The following VPS35L variants were observed in gnomAD, a reference collection of about 807,000 sequenced individuals.
The protein encoded by VPS35L is VPS35 endosomal protein sorting factor like.
In VPS35L, 83 loss-of-function variants were observed where a neutral mutation model predicts 133.0. The ratio of observed to expected loss-of-function variants is 0.62; its 90% CI spans 0.52 to 0.75. VPS35L has a LOEUF of 0.75. VPS35L is among the 30% of genes least tolerant of loss of function. The pLI is 0.00. For synonymous variants in VPS35L, 423 were observed against 449.9 expected (o/e 0.94, Z 0.76); for missense variants, 1,083 against 1,206.8 (o/e 0.90, Z 1.52).
intron 29 of VPS35L, among the ~76,000 whole-genome samples, chr16:19,697,501 A>T (rs1022149444): frequency 2.7e-5 from 4 of 150,398 alleles, no homozygotes; most frequent in African/African-American, 9.8e-5. Flanking sequence ...TGCTCAGCTA[A>T]TTTTTTTTTT....
At chr16:19,596,183 C>T (rs1972209259) in intron 8 of VPS35L, among the ~76,000 whole-genome samples, 1 of 152,174 alleles carries the variant, frequency 6.6e-6, no homozygotes, top group South Asian at 2.1e-4. Flanking sequence ...GGGTCACCAT[C>T]ATAGTGAATT....
chr16:19,631,788 A>G (rs1331381283), intron 18 of VPS35L, among the ~76,000 whole-genome samples: 1 of 152,182 alleles, frequency 6.6e-6, no homozygotes, highest in African/African-American at 2.4e-5. Flanking sequence ...CACTCACTCC[A>G]GCCATGACCT....
At chr16:19,574,256 G>A (rs542268254) in intron 4 of VPS35L, among the ~76,000 whole-genome samples, 15 of 152,152 alleles carry the variant, frequency 9.9e-5, no homozygotes, top group South Asian at 2.1e-4. Flanking sequence ...CTTGCTCCTC[G>A]GCTGTGTTGA....
chr16:19,597,453 T>G (rs1397115180), intron 8 of VPS35L, among the ~76,000 whole-genome samples: 1 of 151,874 alleles, frequency 6.6e-6, no homozygotes, highest in African/African-American at 2.4e-5. Flanking sequence ...ATTAAAATGA[T>G]AGCCAAGAAA....
chr16:19,569,118 T>G, intron 2 of VPS35L: 1 of 528,852 alleles, frequency 1.9e-6, no homozygotes, highest in Non-Finnish European at 3.6e-6. Context: ...GCTACTTATA[T>G]TGAGTTGGAT....
intron 6 of VPS35L, among the ~76,000 whole-genome samples, chr16:19,580,948 A>G (rs1259272350): frequency 2.0e-5 from 3 of 151,992 alleles, no homozygotes; most frequent in African/African-American, 7.3e-5. Flanking sequence ...CCCGTGAAAC[A>G]GTTGCGCTTT....
chr16:19,635,303 G>A (rs924342538), intron 19 of VPS35L, among the ~76,000 whole-genome samples: 5 of 152,072 alleles, frequency 3.3e-5, no homozygotes, highest in African/African-American at 1.2e-4. Flanking sequence ...AGCTATGATA[G>A]CACCACTGCA....
chr16:19,645,064 A>T (rs1208462573), intron 23 of VPS35L, 115 bp downstream of exon 23: 1 of 645,498 alleles, frequency 1.5e-6, no homozygotes, highest in Non-Finnish European at 2.5e-6. Flanking sequence ...TCTTAGTGAG[A>T]TAAAATGAAA....
chr16:19,557,379 T>C (rs1256991972), intron 1 of VPS35L, among the ~76,000 whole-genome samples: 1 of 152,108 alleles, frequency 6.6e-6, no homozygotes, highest in Non-Finnish European at 1.5e-5. Flanking sequence ...AATATGGCCG[T>C]GCTCTAAATA....
At chr16:19,610,954 A>G (rs1214711253) in intron 12 of VPS35L, among the ~76,000 whole-genome samples, 7 of 152,158 alleles carry the variant, frequency 4.6e-5, no homozygotes, top group Admixed American at 3.3e-4. Flanking sequence ...CAGCTAAGCT[A>G]TTAAGTTTTT....
intron 26 of VPS35L, among the ~76,000 whole-genome samples, chr16:19,653,679 C>T (rs935081852): frequency 3.3e-5 from 5 of 152,216 alleles, no homozygotes; most frequent in African/African-American, 4.8e-5. Context: ...GACACAACTG[C>T]ACAGATTATG....
intron 8 of VPS35L, among the ~76,000 whole-genome samples, chr16:19,594,644 CAAAAAAAA>C (rs57187565): frequency 8.6e-4 from 27 of 31,490 alleles, no homozygotes; most frequent in South Asian, 2.1e-3. Context: ...GATTTCGTCT[CAAAAAAAA>C]AAAAAAAAAA....
chr16:19,580,680 G>A lies in VPS35L; in HGVS notation c.511-845G>A, dbSNP rs1373939044. On this transcript the variant is annotated intron_variant, in intron 6 of 30. Transcript: ENST00000417362. ...TTTGCTATGGTTGTCTTTCTGTCCTGATTACTCTCTCCTTGGTCTAATTAA... is the reference window on the plus strand; with the variant it reads ...TTTGCTATGGTTGTCTTTCTGTCCTAATTACTCTCTCCTTGGTCTAATTAA... 2.6e-5 allele frequency among the ~76,000 whole-genome samples: 4 copies of A among 152,056 alleles called. No individual in the cohort carries two copies. The East Asian group carries it at 7.8e-4, about 30-fold the overall frequency.
At chr16:19,629,705 T>A in intron 17 of VPS35L, 62 bp from the exon 18 acceptor site, 1 of 1,465,392 alleles carries the variant, frequency 6.8e-7, no homozygotes, top group South Asian at 1.2e-5. Flanking sequence ...TGAAGCCTCC[T>A]GTTTGCTGTA....
Position 19,555,729 on chromosome 16 carries a change from G to A in VPS35L, c.-1G>A, listed in dbSNP as rs28384469. The A allele has an allele frequency of 3.1e-3, 4,895 of 1,592,622 alleles. 65 individuals are homozygous for A. In the East Asian group the frequency reaches 0.032, roughly 10 times the overall value. ...GAACAAGCGGTCATGTGACTGGGAA[G>A]ATGGCCGTCTTTCCTTGGTAAGGAA... On this transcript the variant is annotated 5_prime_UTR_variant, in exon 1 of 31. Transcript: ENST00000417362.
chr16:19,562,894 A>G (rs1405812370), intron 1 of VPS35L, among the ~76,000 whole-genome samples: 2 of 151,918 alleles, frequency 1.3e-5, no homozygotes, highest in Non-Finnish European at 2.9e-5. Flanking sequence ...AGCTGGGACT[A>G]CAGGCACACA....
chr16:19,595,349 A>G (rs1370303236), intron 8 of VPS35L, among the ~76,000 whole-genome samples: 2 of 152,098 alleles, frequency 1.3e-5, no homozygotes, highest in Admixed American at 6.6e-5. Flanking sequence ...GAGACCCAGG[A>G]TGGATGAGGG....
intron 12 of VPS35L, among the ~76,000 whole-genome samples, chr16:19,613,164 G>T (rs1012824792): frequency 6.6e-6 from 1 of 152,158 alleles, no homozygotes. Context: ...TTAGCCGGGC[G>T]TGGTGGTACA....
At chr16:19,689,518 C>G (rs535052444) in intron 28 of VPS35L, among the ~76,000 whole-genome samples, 2 of 152,128 alleles carry the variant, frequency 1.3e-5, no homozygotes, top group African/African-American at 4.8e-5. Context: ...GTGATCCACC[C>G]ACCTCAGCCT....
Sources: allele counts gnomAD v4.1 joint callset (sites outside exome capture counted in the v4.1 genomes callset), GRCh38; gene constraint gnomAD v4.1.1; transcripts MANE v1.5; gene names NCBI Gene and HGNC (gene_info 2026-07-23, HGNC 2026-07-21).